Variants in IGSF11 observed in about 807,000 individuals in gnomAD.
The protein encoded by IGSF11 is immunoglobulin superfamily member 11, also known as CXADR like 1.
Under a neutral mutation model 41.0 loss-of-function variants are expected in IGSF11, and 22 were observed. The ratio of observed to expected loss-of-function variants is 0.54; its 90% confidence interval spans 0.38 to 0.77. The LOEUF is 0.77. Among genes scored for constraint, IGSF11 ranks in the 30% least tolerant of loss-of-function variants. The probability of loss-of-function intolerance (pLI) is 0.00; values close to 1 mark genes in which losing one functional copy is unlikely to be tolerated. For missense variants in IGSF11, 444 were observed against 530.8 expected (o/e 0.84, Z 1.61); for synonymous variants, 219 against 201.3 (o/e 1.09, Z -0.74).
At chr3:119,144,677 A>G (rs1047329579) in intron 1 of IGSF11, among the ~76,000 whole-genome samples, 3 of 152,210 alleles carry the variant, frequency 2.0e-5, no homozygotes, top group Non-Finnish European at 4.4e-5. Context: ...TAACTATAAA[A>G]CAGCTACATT....
intron 5 of IGSF11, 69 bp downstream of exon 5, chr3:118,905,527 A>T (rs566356905): frequency 2.6e-6 from 4 of 1,548,154 alleles, no homozygotes; most frequent in Non-Finnish European, 3.6e-6. Context: ...AGAACCCTTC[A>T]TTTTCTGGTA....
intron 1 of IGSF11, among the ~76,000 whole-genome samples, chr3:118,950,541 G>A (rs75222411): frequency 0.026 from 3,922 of 151,788 alleles, 142 homozygotes; most frequent in African/African-American, 0.09. Context: ...CCTAGTGGGT[G>A]AAAAAAATAC....
intron 1 of IGSF11, among the ~76,000 whole-genome samples, chr3:119,129,484 A>T (rs965666959): frequency 1.3e-5 from 2 of 152,208 alleles, no homozygotes; most frequent in African/African-American, 4.8e-5. Flanking sequence ...TAATTTTTCA[A>T]AAAATAGTAC....
chr3:118,988,806 C>T (rs536742701), intron 1 of IGSF11, among the ~76,000 whole-genome samples: 1 of 152,306 alleles, frequency 6.6e-6, no homozygotes, highest in South Asian at 2.1e-4. Flanking sequence ...TGTTTTATCA[C>T]TTGTGCTAAT....
chr3:119,065,815 G>A (rs867185143), intron 1 of IGSF11, among the ~76,000 whole-genome samples: 1,170 of 108,044 alleles, frequency 0.011, 18 homozygotes, highest in African/African-American at 0.039. Flanking sequence ...AAAAAAAAAA[G>A]CAAGAAAGCA....
At chr3:118,917,058 A>G (rs1401770604) in intron 4 of IGSF11, among the ~76,000 whole-genome samples, 1 of 152,198 alleles carries the variant, frequency 6.6e-6, no homozygotes, top group African/African-American at 2.4e-5. Context: ...TTTGAAACCA[A>G]TGAGAACAAA....
intron 1 of IGSF11, among the ~76,000 whole-genome samples, chr3:119,096,100 T>C (rs1259867573): frequency 2.0e-5 from 3 of 152,180 alleles, no homozygotes; most frequent in Non-Finnish European, 4.4e-5. Context: ...CCTAGCACAG[T>C]GTTTAGTACT....
chr3:119,143,304 TTG>T (rs2077673933), intron 1 of IGSF11, among the ~76,000 whole-genome samples: 1 of 152,174 alleles, frequency 6.6e-6, no homozygotes, highest in African/African-American at 2.4e-5. Flanking sequence ...AAGATGCTAT[TTG>T]TGACAACAAT....
At chr3:119,065,423 A>G (rs1318767446) in intron 1 of IGSF11, among the ~76,000 whole-genome samples, 1 of 152,128 alleles carries the variant, frequency 6.6e-6, no homozygotes, top group Non-Finnish European at 1.5e-5. Context: ...CTTTCATGAC[A>G]CAGTGGTCTG....
intron 1 of IGSF11, among the ~76,000 whole-genome samples, chr3:119,065,936 T>G (rs912399514): frequency 1.3e-5 from 2 of 152,174 alleles, no homozygotes; most frequent in Admixed American, 6.5e-5. Context: ...GTAATTTTCA[T>G]CAGGGGAGGG....
chr3:119,067,816 T>A (rs1942279409), intron 1 of IGSF11, among the ~76,000 whole-genome samples: 1 of 152,190 alleles, frequency 6.6e-6, no homozygotes, highest in South Asian at 2.1e-4. Flanking sequence ...GAGGCATTTG[T>A]TCATTCACCT....
intron 1 of IGSF11, among the ~76,000 whole-genome samples, chr3:119,029,237 TACACACACACACACAC>T (rs10662902): frequency 3.2e-5 from 4 of 123,142 alleles, no homozygotes; most frequent in East Asian, 2.3e-4. Flanking sequence ...CTTTTGGGAA[TACACACACACACACAC>T]ACACACACAC....
At chr3:118,984,499 A>G (rs1935063151) in intron 1 of IGSF11, among the ~76,000 whole-genome samples, 1 of 152,154 alleles carries the variant, frequency 6.6e-6, no homozygotes, top group South Asian at 2.1e-4. Context: ...GGGTATAGTG[A>G]TTGGATCTGG....
chr3:118,939,489 T>C (rs1439718584), intron 1 of IGSF11, among the ~76,000 whole-genome samples: 1 of 151,924 alleles, frequency 6.6e-6, no homozygotes, highest in Non-Finnish European at 1.5e-5. Flanking sequence ...GGTAGGAGAA[T>C]TGCTTGAACC....
intron 1 of IGSF11, among the ~76,000 whole-genome samples, chr3:119,001,142 A>G (rs1936788050): frequency 1.3e-5 from 2 of 151,638 alleles, no homozygotes; most frequent in Non-Finnish European, 2.9e-5. Flanking sequence ...CAATTCGCCT[A>G]TATCCTTCAA....
rs138977079 is a variant in IGSF11, at chr3:119,093,828, G to C, written c.49+11316C>G. On this transcript the variant is annotated intron_variant, in intron 1 of 6. Transcript: ENST00000354673. The stretch of plus-strand genomic sequence containing the variant: ...TGTACCCAACTCATACTGTGGCACA[G>C]ATAGTAGACCCAAAAGAAGGCTTAA... 6.5e-3 allele frequency among the ~76,000 whole-genome samples: 993 copies of C among 152,268 alleles called. 4 individuals carry two copies. Among genetic ancestry groups the C allele is most frequent in the Non-Finnish European group, 0.011 (744 of 68,016 alleles).
chr3:118,960,428 A>T (rs1002750115), intron 1 of IGSF11, among the ~76,000 whole-genome samples: 2 of 152,230 alleles, frequency 1.3e-5, no homozygotes, highest in African/African-American at 4.8e-5. Flanking sequence ...GTATTAGGTG[A>T]TGAAAATGCA....
intron 1 of IGSF11, among the ~76,000 whole-genome samples, chr3:119,034,261 G>T (rs1222013577): frequency 6.6e-6 from 1 of 152,240 alleles, no homozygotes; most frequent in African/African-American, 2.4e-5. Context: ...AGCGCAGCGA[G>T]GTGAGAGTCA....
At chr3:119,028,788 TCA>T (rs1940077538) in intron 1 of IGSF11, among the ~76,000 whole-genome samples, 1 of 152,108 alleles carries the variant, frequency 6.6e-6, no homozygotes, top group Admixed American at 6.5e-5. Context: ...GCTGACATAG[TCA>T]CACCAAATCC....
Sources: gnomAD v4.1 joint callset for allele counts (sites outside exome capture counted in the v4.1 genomes callset) on GRCh38, gnomAD v4.1.1 for gene constraint, MANE v1.5 for transcripts, NCBI Gene and HGNC (gene_info 2026-07-23, HGNC 2026-07-21) for gene names.